Variants in CIMIP4 observed in about 807,000 individuals in gnomAD.
CIMIP4 encodes ciliary microtubule inner protein 4.
At chr22:37,003,846 GGGTCT>G in the CIMIP4 span, 1 of 977,090 alleles carries the variant, frequency 1.0e-6, no homozygotes, top group South Asian at 2.1e-5. Flanking sequence ...GGCCGATGGT[GGGTCT>G]GGAGGCCAAC....
chr22:36,991,572 C>G, the CIMIP4 span: 2 of 1,614,076 alleles, frequency 1.2e-6, no homozygotes, highest in Admixed American at 1.7e-5. Flanking sequence ...TCATGAGGCT[C>G]TTTGTCTCCT....
chr22:36,991,555 G>A, the CIMIP4 span: 1 of 1,614,074 alleles, frequency 6.2e-7, no homozygotes, highest in Non-Finnish European at 8.5e-7. Context: ...TGGTGTGTAA[G>A]AAGCCTTCAT....
At chr22:37,006,823 CA>C in the CIMIP4 span, among the ~76,000 whole-genome samples, 1 of 152,170 alleles carries the variant, frequency 6.6e-6, no homozygotes, top group African/African-American at 2.4e-5. Context: ...TGGAATGTGG[CA>C]AAAATGAGGG....
At chr22:37,001,759 C>G in the CIMIP4 span, 2 of 1,372,406 alleles carry the variant, frequency 1.5e-6, no homozygotes, top group South Asian at 3.0e-5. Flanking sequence ...ATTATAGGGA[C>G]TCTGTACTCA....
the CIMIP4 span, chr22:37,001,802 ACT>A: frequency 6.7e-7 from 1 of 1,493,068 alleles, no homozygotes; most frequent in Non-Finnish European, 9.0e-7. Flanking sequence ...TCATTATAAG[ACT>A]CTGCATCACC....
chr22:37,000,083 C>G, the CIMIP4 span: 1 of 1,442,612 alleles, frequency 6.9e-7, no homozygotes, highest in Non-Finnish European at 9.3e-7. Flanking sequence ...GCCCTCCCCA[C>G]CCCGATCCCA....
At chr22:37,004,154 G>T in the CIMIP4 span, 1 of 766,030 alleles carries the variant, frequency 1.3e-6, no homozygotes, top group Non-Finnish European at 2.0e-6. Context: ...TTCCTAAGCT[G>T]CCCCTGGTGC....
At chr22:36,999,874 G>A in the CIMIP4 span, 2 of 1,613,888 alleles carry the variant, frequency 1.2e-6, no homozygotes, top group African/African-American at 1.3e-5. Context: ...TGTAGCCGAG[G>A]TCATAGTAGT....
the CIMIP4 span, among the ~76,000 whole-genome samples, chr22:36,995,898 T>C: frequency 1.1e-4 from 16 of 152,340 alleles, no homozygotes; most frequent in Non-Finnish European, 1.9e-4. Context: ...ATATTATATT[T>C]AATGATGTAA....
chr22:36,991,459 T>C, the CIMIP4 span: 1 of 1,610,236 alleles, frequency 6.2e-7, no homozygotes, highest in East Asian at 2.2e-5. Flanking sequence ...CTGCCTCCCA[T>C]CACCCGCAGC....
the CIMIP4 span, chr22:37,001,705 G>A: frequency 2.1e-6 from 2 of 938,128 alleles, no homozygotes; most frequent in East Asian, 2.7e-5. Context: ...CACAGTGTTT[G>A]GCACACAGCA....
At chr22:37,007,451 C>T in the CIMIP4 span, 2 of 152,156 alleles carry the variant, frequency 1.3e-5, no homozygotes, top group Admixed American at 6.5e-5. Context: ...TTTCTTTCTC[C>T]TCCTATCCCC....
the CIMIP4 span, among the ~76,000 whole-genome samples, chr22:36,998,448 C>G: frequency 6.6e-6 from 1 of 152,068 alleles, no homozygotes; most frequent in African/African-American, 2.4e-5. Flanking sequence ...GAGGAAGGAG[C>G]CATACCAGAA....
the CIMIP4 span, chr22:37,003,973 G>A: frequency 3.5e-5 from 55 of 1,549,910 alleles, no homozygotes; most frequent in Middle Eastern, 1.7e-4. Flanking sequence ...TACCTGCTCC[G>A]TGGCCCAGCT....
chr22:36,994,548 T>C, the CIMIP4 span, among the ~76,000 whole-genome samples: 11 of 152,114 alleles, frequency 7.2e-5, no homozygotes, highest in African/African-American at 2.7e-4. Context: ...TTTGTATTTT[T>C]AGTAGATATA....
chr22:37,001,886 C>T, the CIMIP4 span: 32 of 1,610,220 alleles, frequency 2.0e-5, no homozygotes, highest in Middle Eastern at 1.6e-4. Context: ...AAACTTGTGG[C>T]GAATGTTGTT....
chr22:36,994,411 C>A, the CIMIP4 span, among the ~76,000 whole-genome samples: 2 of 151,916 alleles, frequency 1.3e-5, no homozygotes, highest in Non-Finnish European at 2.9e-5. Flanking sequence ...CTCCGCCTAC[C>A]TCCGCCTCCC....
At chr22:36,996,036 C>T in the CIMIP4 span, among the ~76,000 whole-genome samples, 2 of 152,116 alleles carry the variant, frequency 1.3e-5, no homozygotes, top group African/African-American at 2.4e-5. Context: ...TAAACTCTAG[C>T]CTCTGACTGG....
the CIMIP4 span, chr22:36,991,262 TC>T: frequency 6.2e-7 from 1 of 1,614,194 alleles, no homozygotes. Context: ...ATAGCATTTT[TC>T]TGGTGCCACC....
Sources: gnomAD v4.1 joint callset for allele counts (sites outside exome capture counted in the v4.1 genomes callset) on GRCh38, gnomAD v4.1.1 for gene constraint, MANE v1.5 for transcripts, NCBI Gene and HGNC (gene_info 2026-07-23, HGNC 2026-07-21) for gene names.